Variants in LRRC2 observed in about 807,000 individuals in gnomAD.
The protein encoded by LRRC2 is leucine-rich repeat-containing protein 2.
In LRRC2, 27 loss-of-function variants were observed where a neutral mutation model predicts 40.2. The observed-to-expected ratio is 0.67, with a 90% confidence interval of 0.49 to 0.93. The LOEUF (loss-of-function observed/expected upper bound fraction) is 0.93, where lower values mean the gene tolerates loss of function less well. LRRC2 is among the 40% of genes least tolerant of loss of function. LRRC2 has a pLI of 0.00. For synonymous variants in LRRC2, 147 were observed against 158.9 expected (o/e 0.92, Z 0.56); for missense variants, 402 against 439.6 (o/e 0.91, Z 0.76).
intron 3 of LRRC2, among the ~76,000 whole-genome samples, chr3:46,544,692 CAAGT>C (rs1176457596): frequency 6.6e-6 from 1 of 152,214 alleles, no homozygotes; most frequent in African/African-American, 2.4e-5. Flanking sequence ...GGCACTTCGG[CAAGT>C]AAGTAATTGC....
At position 46,551,751 on chromosome 3, in the gene LRRC2, CTTTTTTTTTTTTTT is replaced by C. The variant is rs748541390; in HGVS notation, c.-19-155_-19-142del. On this transcript the variant is annotated intron_variant, in intron 1 of 8. Transcript: ENST00000395905. ...TTACTACTTCAAGGATGACAGTTTG[CTTTTTTTTTTTTTT>C]TTTTTTTTTAGCTTGTTTGGCTGGT... is the stretch of plus-strand genomic sequence containing the variant. The C allele has an allele frequency of 2.2e-5, 3 of 138,948 alleles. No individual in the cohort carries two copies. In the South Asian group the frequency reaches 3.6e-4, roughly 17 times the overall value. 8.6% of individuals were successfully genotyped at this position (138,948 alleles called of 1,614,324 possible).
At chr3:46,526,569 C>T (rs1704063459) in intron 7 of LRRC2, among the ~76,000 whole-genome samples, 1 of 152,218 alleles carries the variant, frequency 6.6e-6, no homozygotes, top group Non-Finnish European at 1.5e-5. Context: ...TGTGCTTATA[C>T]AGATATGGAG....
intron 2 of LRRC2, among the ~76,000 whole-genome samples, chr3:46,550,610 C>G (rs1053428535): frequency 6.6e-6 from 1 of 152,180 alleles, no homozygotes; most frequent in Non-Finnish European, 1.5e-5. Flanking sequence ...CCAGGATGGT[C>G]TCGATCTCCT....
chr3:46,542,596 A>T (rs1704418904), intron 3 of LRRC2, among the ~76,000 whole-genome samples: 1 of 152,178 alleles, frequency 6.6e-6, no homozygotes, highest in African/African-American at 2.4e-5. Context: ...TAAAAACAGA[A>T]CAAAATTTTA....
rs540736255 is a variant in LRRC2, at chr3:46,515,482, T to C, written c.*3532A>G. On this transcript the variant is annotated 3_prime_UTR_variant, in exon 9 of 9. Transcript: ENST00000395905. ...ATAACCTTTCCAAATTATGTATCAG[T>C]CTATTTGCATCATGTCAAATTTTCA... 6.6e-4 allele frequency: 100 copies of C among 152,310 alleles called. No homozygotes were observed. Among genetic ancestry groups the C allele is most frequent in the African/African-American group, 2.3e-3 (95 of 41,580 alleles). 9.4% of individuals were successfully genotyped at this position (152,310 alleles called of 1,614,324 possible).
intron 6 of LRRC2, among the ~76,000 whole-genome samples, chr3:46,528,253 G>A (rs1704094007): frequency 2.0e-5 from 3 of 151,622 alleles, no homozygotes; most frequent in Admixed American, 6.6e-5. Context: ...GAATTGAAAT[G>A]AGAATAAACA....
intron 2 of LRRC2, 82 bp from the exon 3 acceptor site, chr3:46,545,335 C>T (rs961881448): frequency 8.5e-7 from 1 of 1,171,944 alleles, no homozygotes; most frequent in Non-Finnish European, 1.2e-6. Flanking sequence ...GCCACCTGGG[C>T]ATAGGTGCTC....
intron 4 of LRRC2, among the ~76,000 whole-genome samples, chr3:46,538,358 G>A (rs1704310347): frequency 6.6e-6 from 1 of 152,186 alleles, no homozygotes; most frequent in Non-Finnish European, 1.5e-5. Context: ...CATCAGGCTG[G>A]TTACTGTGGC....
At chr3:46,533,561 G>A (rs917270720) in intron 4 of LRRC2, among the ~76,000 whole-genome samples, 1 of 152,170 alleles carries the variant, frequency 6.6e-6, no homozygotes, top group Non-Finnish European at 1.5e-5. Context: ...TAAATGTGCT[G>A]AGAACACTTA....
chr3:46,556,710 C>G lies in LRRC2; in HGVS notation c.-19-5100G>C, dbSNP rs141799941. Among the ~76,000 whole-genome samples the G allele has an allele frequency of 1.6e-3, 247 of 151,536 alleles. 1 individual carries two copies. The highest frequency in any genetic ancestry group is 8.6e-3 in the East Asian group (44 of 5,136). On this transcript the variant is annotated intron_variant, in intron 1 of 8. Coordinates refer to ENST00000395905, the MANE Select transcript of LRRC2 (RefSeq NM_024512.5). ...TCTCCTGCCTCAGCCTCCCGAGTAG[C>G]TGGAATTACAGGCACGTGCCACCAC...
chr3:46,561,637 G>A (rs1704945709), intron 1 of LRRC2, among the ~76,000 whole-genome samples: 1 of 152,200 alleles, frequency 6.6e-6, no homozygotes. Flanking sequence ...CCAGACAGGT[G>A]CCTGTGTGTC....
At chr3:46,535,705 G>A (rs1231761630) in intron 4 of LRRC2, among the ~76,000 whole-genome samples, 7 of 152,164 alleles carry the variant, frequency 4.6e-5, no homozygotes, top group Non-Finnish European at 1.5e-5. Flanking sequence ...TTGGGAACAA[G>A]TTAAATAAAT....
chr3:46,561,026 G>T (rs1255713489), intron 1 of LRRC2, among the ~76,000 whole-genome samples: 3 of 152,182 alleles, frequency 2.0e-5, no homozygotes, highest in Admixed American at 2.0e-4. Context: ...AAACTTGATG[G>T]TAAATAATAG....
chr3:46,551,322 G>T, intron 2 of LRRC2, 145 bp downstream of exon 2: 3 of 943,538 alleles, frequency 3.2e-6, no homozygotes, highest in Non-Finnish European at 4.7e-6. Context: ...GAGCAACAGT[G>T]TAAGGCTCTG....
chr3:46,556,879 A>T (rs1704813295), intron 1 of LRRC2, among the ~76,000 whole-genome samples: 1 of 152,026 alleles, frequency 6.6e-6, no homozygotes, highest in Non-Finnish European at 1.5e-5. Flanking sequence ...GCCCAGCCCC[A>T]GCCATTAGTT....
At chr3:46,554,781 T>C (rs533586028) in intron 1 of LRRC2, among the ~76,000 whole-genome samples, 2 of 152,364 alleles carry the variant, frequency 1.3e-5, no homozygotes, top group East Asian at 3.8e-4. Flanking sequence ...TTAGATTATA[T>C]GATAACTCTA....
At chr3:46,528,319 CG>C (rs1184482631) in intron 6 of LRRC2, among the ~76,000 whole-genome samples, 4 of 150,106 alleles carry the variant, frequency 2.7e-5, no homozygotes, top group Admixed American at 1.3e-4. Flanking sequence ...ATGAGAAAGA[CG>C]GGGTCTCACT....
At position 46,537,334 on chromosome 3, in the gene LRRC2, A is replaced by C. The variant is rs183835484; in HGVS notation, c.490+1711T>G. Among the ~76,000 whole-genome samples, 13 of 152,308 alleles carry C rather than the reference A, an allele frequency of 8.5e-5. No individual in the cohort carries two copies. In the East Asian group the frequency reaches 2.5e-3, roughly 29 times the overall value. On this transcript the variant is annotated intron_variant, in intron 4 of 8. Coordinates refer to ENST00000395905, the MANE Select transcript of LRRC2 (RefSeq NM_024512.5). The stretch of plus-strand genomic sequence containing the variant: ...GGGCTGGTCTCAAACTCCTAGGCTC[A>C]AGTGATCTGCCTGCCTCAGCCTCCC...
At chr3:46,534,419 C>T (rs867604193) in intron 4 of LRRC2, among the ~76,000 whole-genome samples, 12 of 111,024 alleles carry the variant, frequency 1.1e-4, no homozygotes, top group South Asian at 2.8e-4. Context: ...TCTTTTCCTT[C>T]CTTCCTTTCT....
Sources: gnomAD v4.1 joint callset for allele counts (sites outside exome capture counted in the v4.1 genomes callset) on GRCh38, gnomAD v4.1.1 for gene constraint, MANE v1.5 for transcripts, NCBI Gene and HGNC (gene_info 2026-07-23, HGNC 2026-07-21) for gene names.